The following MYH13 variants were observed in gnomAD, a reference collection of about 807,000 sequenced individuals.
MYH13 encodes the protein myosin heavy chain 13.
In MYH13, 177 loss-of-function variants were observed where a neutral mutation model predicts 232.1. The ratio of observed to expected loss-of-function variants is 0.76; its 90% confidence interval spans 0.67 to 0.86. The LOEUF is 0.86. Ranked by LOEUF, MYH13 falls within the 40% of genes least tolerant of loss-of-function variation. MYH13 has a pLI of 0.00. For synonymous variants in MYH13, 884 were observed against 923.5 expected, an observed-to-expected ratio of 0.96 and a Z score of 0.78; for missense variants, 2,246 against 2,405.9, an observed-to-expected ratio of 0.93 and a Z score of 1.39.
At chr17:10,312,859 G>A in intron 30 of MYH13, 102 bp from the exon 31 acceptor site, 1 of 1,322,392 alleles carries the variant, frequency 7.6e-7, no homozygotes, top group Non-Finnish European at 1.0e-6. Context: ...AGGGACTGGT[G>A]TTTGATGAGA....
intron 35 of MYH13, among the ~76,000 whole-genome samples, chr17:10,308,327 C>CA (rs35385439): frequency 0.2 from 24,617 of 123,550 alleles, 2,211 homozygotes; most frequent in South Asian, 0.21. Flanking sequence ...TGCTCTGTCT[C>CA]AAAAAAAAAA....
intron 23 of MYH13, among the ~76,000 whole-genome samples, chr17:10,322,303 C>T (rs917850308): frequency 6.6e-6 from 1 of 151,914 alleles, no homozygotes; most frequent in Non-Finnish European, 1.5e-5. Flanking sequence ...GAGGCTGAAA[C>T]AGGAGAATCG....
In MYH13 at chr17:10,303,264, T is replaced by C; in HGVS notation, c.5599A>G (p.Arg1867Gly). 2 of 1,613,658 alleles carry C rather than the reference T, an allele frequency of 1.2e-6. No homozygotes were observed. Among genetic ancestry groups the C allele is most frequent in the Non-Finnish European group, 8.5e-7 (1 of 1,179,764 alleles). The change falls in exon 39 of 41, where the codon AGG becomes GGG. Residue 1867 changes from arginine (R) to glycine (G), a missense_variant. By Grantham distance (125) the Arg-to-Gly change is moderately radical. Coordinates refer to ENST00000252172, the MANE Select transcript of MYH13 (RefSeq NM_003802.3). ...QAEEDHKNILRLQDLVDKLQA... is the reference protein window; with the variant it reads ...QAEEDHKNILGLQDLVDKLQA... Reference sequence around the variant, plus strand: ...AGCTTGTCCACCAGGTCCTGGAGCCTAAGGATATTCTTGTGGTCCTCCTCA... The same window carrying C: ...AGCTTGTCCACCAGGTCCTGGAGCCCAAGGATATTCTTGTGGTCCTCCTCA...
Position 10,309,706 on chromosome 17 carries a change from C to A in MYH13, c.4781G>T (p.Ser1594Ile). Reference protein sequence around the residue: ...DEEIEQLKRNSQRAAEALQSV... With the variant: ...DEEIEQLKRNIQRAAEALQSV... The stretch of plus-strand genomic sequence containing the variant: ...CTGCAGGGCCTCTGCTGCCCGCTGG[C>A]TGTTTCTTTTTAGCTGCTCGATTTC... The change falls in exon 34 of 41, where the codon AGC (serine) becomes ATC (isoleucine). Residue 1594 changes from serine to isoleucine, a missense_variant. Transcript: ENST00000252172. 6.2e-7 allele frequency: 1 copy of A among 1,606,518 alleles called. No homozygotes were observed. The highest frequency in any genetic ancestry group is 1.3e-5 in the African/African-American group (1 of 74,978).
chr17:10,352,644 G>A (rs768335537), intron 11 of MYH13, among the ~76,000 whole-genome samples: 1 of 152,046 alleles, frequency 6.6e-6, no homozygotes, highest in Admixed American at 6.6e-5. Context: ...AGGAGCAACA[G>A]CCGCATCTGG....
rs2071656266 is a variant in MYH13 at position 10,345,462 on chromosome 17, C to T, written c.1413+5G>A. ...CAGACAAGAAAGTAGAAGGTCACAACTCACATCAAAGATCTCAAAGCCAGC... is the reference window on the plus strand; with the variant it reads ...CAGACAAGAAAGTAGAAGGTCACAATTCACATCAAAGATCTCAAAGCCAGC... On this transcript the variant is annotated splice_donor_5th_base_variant and intron_variant, in intron 14 of 40. Transcript: ENST00000252172. 6.2e-7 allele frequency: 1 copy of T among 1,614,080 alleles called. No homozygotes were observed. The highest frequency in any genetic ancestry group is 1.7e-5 in the Admixed American group (1 of 60,006).
chr17:10,357,961 A>T, intron 7 of MYH13, 134 bp from the exon 8 acceptor site: 1 of 680,518 alleles, frequency 1.5e-6, no homozygotes, highest in Admixed American at 2.7e-5. Context: ...TGGTCAGTGC[A>T]GCACCCACGC....
chr17:10,301,791 A>T, intron 39 of MYH13, 88 bp from the exon 40 acceptor site: 2 of 1,509,684 alleles, frequency 1.3e-6, no homozygotes, highest in Non-Finnish European at 1.8e-6. Context: ...CTGAGGAGTT[A>T]AGCAACCAGG....
rs117466953 is a variant in MYH13, at chr17:10,365,416, C to A, written c.-12-874G>T. 5.2e-3 allele frequency among the ~76,000 whole-genome samples: 797 copies of A among 152,268 alleles called. 7 individuals carry two copies. The highest frequency in any genetic ancestry group is 0.014 in the Middle Eastern group (4 of 294). ...TCCCAAACTTTAACATGCCAGAATC[C>A]CCTTGAGGGGTTGTTAAAGCACAGA... is the stretch of plus-strand genomic sequence containing the variant. On this transcript the variant is annotated intron_variant, in intron 2 of 40. Transcript: ENST00000252172.
At position 10,345,219 on chromosome 17, in the gene MYH13, T is replaced by C; in HGVS notation, c.1567A>G (p.Ile523Val). 1.2e-6 allele frequency: 2 copies of C among 1,614,146 alleles called. No homozygotes were observed. The highest frequency in any genetic ancestry group is 8.5e-7 in the Non-Finnish European group (1 of 1,179,990). The change falls in exon 15 of 41, where the codon ATC becomes GTC. Residue 523 changes from isoleucine (I) to valine (V), a missense_variant. By Grantham distance (29) the Ile-to-Val change is conservative (BLOSUM62 3). Transcript: ENST00000252172. ...CTCTCTACCTTCTCGATGAGCTCGA[T>C]GCAGGCAGCCAGGTCCATTCCGAAG... is the stretch of plus-strand genomic sequence containing the variant. ...IDFGMDLAAC[I>V]ELIEKPMGIF...
intron 12 of MYH13, among the ~76,000 whole-genome samples, chr17:10,349,602 C>A (rs370653862): frequency 1.3e-5 from 2 of 152,078 alleles, no homozygotes; most frequent in African/African-American, 4.8e-5. Flanking sequence ...GGTGTGCCCC[C>A]TGGTGTACAT....
At chr17:10,322,751 A>G (rs1253599284) in intron 23 of MYH13, among the ~76,000 whole-genome samples, 1 of 147,820 alleles carries the variant, frequency 6.8e-6, no homozygotes, top group Non-Finnish European at 1.5e-5. Context: ...CTCCGGCCTC[A>G]GCCTCCTGAG....
At chr17:10,329,877 G>C (rs138642688) in intron 21 of MYH13, among the ~76,000 whole-genome samples, 8 of 152,160 alleles carry the variant, frequency 5.3e-5, no homozygotes, top group South Asian at 2.1e-4. Flanking sequence ...GTGCATGCCT[G>C]TAATCCCAGC....
At chr17:10,313,118 C>G in intron 30 of MYH13, 40 bp downstream of exon 30, 1 of 1,613,628 alleles carries the variant, frequency 6.2e-7, no homozygotes, top group East Asian at 2.2e-5. Flanking sequence ...TGGCTTGTGT[C>G]CTCGGGCCCC....
chr17:10,351,306 G>T (rs1190345799), intron 11 of MYH13, among the ~76,000 whole-genome samples: 6 of 151,730 alleles, frequency 4.0e-5, no homozygotes, highest in Non-Finnish European at 7.4e-5. Flanking sequence ...AGGCGATTGG[G>T]AACCATTGTA....
At chr17:10,339,161 G>A (rs1395459727) in intron 18 of MYH13, among the ~76,000 whole-genome samples, 4 of 152,064 alleles carry the variant, frequency 2.6e-5, no homozygotes, top group Non-Finnish European at 4.4e-5. Context: ...TCCTGAGCTG[G>A]GAGGCCCGTG....
intron 30 of MYH13, 24 bp from the exon 31 acceptor site, chr17:10,312,781 T>C (rs758852406): frequency 1.6e-5 from 26 of 1,594,008 alleles, no homozygotes; most frequent in Admixed American, 5.3e-5. Flanking sequence ...ATTTTTTTTT[T>C]CCCCTTCGCA....
rs201895556 is a variant in MYH13 at position 10,315,965 on chromosome 17, C to T, written c.3799G>A (p.Asp1267Asn). Residue 1267 changes from aspartate (D) to asparagine (N), a missense_variant, in exon 28 of 41, where the codon GAC (aspartate) becomes AAC (asparagine). Transcript: ENST00000252172. The stretch of plus-strand genomic sequence containing the variant: ...TGGATCAACTGTGTCTGTTGCTCGT[C>T]CTTGGCTTTGATTTCACTAAATTGA... ...EDQFSEIKAKDEQQTQLIHDL... is the reference protein window; with the variant it reads ...EDQFSEIKAKNEQQTQLIHDL... 4.7e-5 allele frequency: 76 copies of T among 1,613,960 alleles called. No individual in the cohort carries two copies. The highest frequency in any genetic ancestry group is 1.7e-4 in the Admixed American group (10 of 60,014).
chr17:10,366,334 C>T (rs544424539), intron 2 of MYH13, among the ~76,000 whole-genome samples: 36 of 151,346 alleles, frequency 2.4e-4, no homozygotes, highest in Non-Finnish European at 4.4e-4. Flanking sequence ...CACACACACA[C>T]GCACACCCAC....
Sources: gnomAD v4.1 joint callset for allele counts (sites outside exome capture counted in the v4.1 genomes callset) on GRCh38, gnomAD v4.1.1 for gene constraint, MANE v1.5 for transcripts, NCBI Gene and HGNC (gene_info 2026-07-23, HGNC 2026-07-21) for gene names.